The following PCTP variants were observed in gnomAD, a reference collection of about 807,000 sequenced individuals.
PCTP encodes START domain-containing protein 2.
In PCTP, 27 loss-of-function variants were observed where a neutral mutation model predicts 31.0. That is an observed-to-expected ratio of 0.87 (90% CI 0.64 to 1.20). The LOEUF is 1.20. Ranked by LOEUF, PCTP falls within the 50% of genes most tolerant of loss-of-function variation. The pLI is 0.00. For synonymous variants in PCTP, 108 were observed against 101.2 expected (o/e 1.07, Z -0.40); for missense variants, 287 against 268.2 (o/e 1.07, Z -0.49).
At chr17:55,795,001 G>A (rs1232558189) in intron 3 of PCTP, among the ~76,000 whole-genome samples, 3 of 151,860 alleles carry the variant, frequency 2.0e-5, no homozygotes, top group Admixed American at 2.0e-4. Context: ...GAAACCAAAG[G>A]CTTGATTCAA....
chr17:55,821,629 T>A (rs926195803), intron 3 of PCTP, among the ~76,000 whole-genome samples: 1 of 152,212 alleles, frequency 6.6e-6, no homozygotes, highest in African/African-American at 2.4e-5. Flanking sequence ...CTTACCTAAG[T>A]CTCATAATAA....
chr17:55,839,932 A>C (rs1198338888), intron 5 of PCTP, among the ~76,000 whole-genome samples: 3 of 149,700 alleles, frequency 2.0e-5, no homozygotes, highest in East Asian at 3.9e-4. Context: ...AAAAAAAAAA[A>C]AAAAAAAAAA....
At chr17:55,801,373 A>G (rs1912373657) in intron 3 of PCTP, among the ~76,000 whole-genome samples, 1 of 152,098 alleles carries the variant, frequency 6.6e-6, no homozygotes. Flanking sequence ...CCTAATAGAC[A>G]TCTACAAAAC....
intron 1 of PCTP, among the ~76,000 whole-genome samples, chr17:55,757,464 A>G (rs1228026906): frequency 1.3e-5 from 2 of 151,314 alleles, no homozygotes; most frequent in Non-Finnish European, 2.9e-5. Flanking sequence ...ACACACACAC[A>G]CACACACACA....
Position 55,810,783 on chromosome 17 carries a change from C to T in PCTP, c.318-11978C>T, listed in dbSNP as rs372704033. Among the ~76,000 whole-genome samples the T allele has an allele frequency of 2.2e-4, 34 of 152,262 alleles. 2 individuals carry two copies. Among genetic ancestry groups the T allele is most frequent in the Admixed American group, 9.8e-4 (15 of 15,292 alleles). ...GGGAAATTGGGGTTTAAAATTTAAA[C>T]GCAGAACTATGTGTTGAGCTAATGG... On this transcript the variant is annotated intron_variant, in intron 3 of 3. Transcript: ENST00000572536.
downstream of PCTP, among the ~76,000 whole-genome samples, chr17:55,781,608 CAAAT>C (rs1413083943): frequency 6.6e-6 from 1 of 152,086 alleles, no homozygotes; most frequent in African/African-American, 2.4e-5. Context: ...TAACTAAAAA[CAAAT>C]AAACAAAATA....
chr17:55,797,330 A>G (rs1448473982), intron 3 of PCTP, among the ~76,000 whole-genome samples: 1 of 152,016 alleles, frequency 6.6e-6, no homozygotes, highest in East Asian at 1.9e-4. Flanking sequence ...ACCTAGTGTT[A>G]AGGCTTTGTA....
At chr17:55,754,723 T>G (rs1909909895) in intron 1 of PCTP, among the ~76,000 whole-genome samples, 3 of 152,166 alleles carry the variant, frequency 2.0e-5, no homozygotes, top group Admixed American at 2.0e-4. Context: ...CTCCCTGGAA[T>G]GAAGTTCTTG....
At chr17:55,808,029 A>G (rs528317438) in intron 3 of PCTP, among the ~76,000 whole-genome samples, 2 of 152,158 alleles carry the variant, frequency 1.3e-5, no homozygotes, top group African/African-American at 2.4e-5. Flanking sequence ...GGTGACTACA[A>G]TTTAAATGCC....
chr17:55,785,574 GTCTC>G (rs1209005995), intron 2 of PCTP, among the ~76,000 whole-genome samples: 1 of 152,166 alleles, frequency 6.6e-6, no homozygotes, highest in Non-Finnish European at 1.5e-5. Context: ...CTCCAAAGTC[GTCTC>G]TCTCTAAAAC....
At chr17:55,754,944 T>C (rs1331214649) in intron 1 of PCTP, among the ~76,000 whole-genome samples, 1 of 152,276 alleles carries the variant, frequency 6.6e-6, no homozygotes, top group African/African-American at 2.4e-5. Flanking sequence ...TATACACACA[T>C]ATGTAAATTA....
chr17:55,751,583 C>G, intron 1 of PCTP: 1 of 1,183,450 alleles, frequency 8.4e-7, no homozygotes, highest in Non-Finnish European at 1.1e-6. Flanking sequence ...GATCCTCACT[C>G]TCCAATGCGT....
intron 3 of PCTP, among the ~76,000 whole-genome samples, chr17:55,814,851 T>A (rs970463189): frequency 2.6e-5 from 4 of 152,220 alleles, no homozygotes; most frequent in Non-Finnish European, 5.9e-5. Flanking sequence ...GGGGACAGGA[T>A]TGTGTCATAG....
At chr17:55,757,187 T>C (rs909392808) in intron 1 of PCTP, among the ~76,000 whole-genome samples, 1 of 151,454 alleles carries the variant, frequency 6.6e-6, no homozygotes, top group African/African-American at 2.4e-5. Flanking sequence ...AGAATATATA[T>C]ACACACACAT....
rs1910735536 is a variant in PCTP at position 55,767,511 on chromosome 17, G to T, written c.259+59G>T. 3 of 1,194,500 alleles carry T rather than the reference G, an allele frequency of 2.5e-6. No individual in the cohort carries two copies. In the African/African-American group the frequency reaches 4.6e-5, roughly 18 times the overall value. 74.0% of individuals were successfully genotyped at this position (1,194,500 alleles called of 1,614,324 possible). ...CGTACTTTCACTTTTGTAGCCCAGG[G>T]TGAAGTGCAAAGGTAGGATCTCAGC... On this transcript the variant is annotated intron_variant, in intron 2 of 5. Coordinates refer to ENST00000268896, the MANE Select transcript of PCTP (RefSeq NM_021213.4).
At chr17:55,801,423 AC>A (rs1912376180) in intron 3 of PCTP, among the ~76,000 whole-genome samples, 1 of 152,172 alleles carries the variant, frequency 6.6e-6, no homozygotes, top group African/African-American at 2.4e-5. Flanking sequence ...TCTTCTCAGC[AC>A]CACATCACAC....
intron 3 of PCTP, among the ~76,000 whole-genome samples, chr17:55,817,066 A>G (rs913915979): frequency 3.3e-5 from 5 of 152,242 alleles, no homozygotes; most frequent in African/African-American, 9.6e-5. Flanking sequence ...TGTTAGATAA[A>G]TGACCAGGAG....
At chr17:55,767,833 C>G (rs1289115413) in intron 2 of PCTP, among the ~76,000 whole-genome samples, 1 of 149,132 alleles carries the variant, frequency 6.7e-6, no homozygotes. Context: ...TGACTCACGC[C>G]TGTAATCCCA....
At chr17:55,851,238 T>A in the PCTP span, among the ~76,000 whole-genome samples, 22 of 152,262 alleles carry the variant, frequency 1.4e-4, no homozygotes, top group African/African-American at 5.3e-4. Flanking sequence ...TAGTCATTAC[T>A]GAGGCATAAA....
Sources: gnomAD v4.1 joint callset for allele counts (sites outside exome capture counted in the v4.1 genomes callset) on GRCh38, gnomAD v4.1.1 for gene constraint, MANE v1.5 for transcripts, NCBI Gene and HGNC (gene_info 2026-07-23, HGNC 2026-07-21) for gene names.